The following ABCA13 variants were observed in gnomAD, a reference collection of about 807,000 sequenced individuals.
ABCA13 encodes ATP-binding cassette sub-family A member 13.
Under a neutral mutation model 478.7 loss-of-function variants are expected in ABCA13, and 476 were observed. That is an observed-to-expected ratio of 0.99 (90% CI 0.92 to 1.07). The LOEUF is 1.07. ABCA13 is among the 50% of genes least tolerant of loss of function. The probability of loss-of-function intolerance (pLI) is 0.00; values close to 1 mark genes in which losing one functional copy is unlikely to be tolerated. For missense variants in ABCA13, 6,060 were observed against 5,910.6 expected, an observed-to-expected ratio of 1.03 and a Z score of -0.83; for synonymous variants, 2,252 against 2,158.9, an observed-to-expected ratio of 1.04 and a Z score of -1.20.
chr7:48,270,773 C>T (rs1795493061), intron 16 of ABCA13, among the ~76,000 whole-genome samples: 1 of 152,226 alleles, frequency 6.6e-6, no homozygotes, highest in East Asian at 1.9e-4. Context: ...TGTTATACAA[C>T]AAGAGCAGAG....
intron 55 of ABCA13, among the ~76,000 whole-genome samples, chr7:48,554,113 T>G (rs1245072889): frequency 3.9e-5 from 6 of 152,062 alleles, no homozygotes; most frequent in African/African-American, 1.2e-4. Flanking sequence ...CTTGACACCT[T>G]TGTCAAAAAT....
At chr7:48,317,021 C>A in intron 26 of ABCA13, 136 bp from the exon 27 acceptor site, 2 of 1,073,676 alleles carry the variant, frequency 1.9e-6, no homozygotes, top group Non-Finnish European at 2.6e-6. Flanking sequence ...ATAGCACTCC[C>A]AAAGTTCAGA....
Position 48,314,287 on chromosome 7 carries a change from T to C in ABCA13, c.9737T>C (p.Met3246Thr). 6.2e-7 allele frequency: 1 copy of C among 1,613,826 alleles called. No individual in the cohort carries two copies. Among genetic ancestry groups the C allele is most frequent in the South Asian group, 1.1e-5 (1 of 90,966 alleles). ...SSAFGSFQFV[M>T]KMVCKDQASF... ...GCTTTTGGTTCTTTCCAGTTTGTGA[T>C]GAAGATGGTTTGCAAGGACCAAGCA... Residue 3246 changes from methionine to threonine, a missense_variant, in exon 26 of 62, where the codon ATG (methionine) becomes ACG (threonine). By Grantham distance (81) the Met-to-Thr change is moderately conservative. Transcript: ENST00000435803.
intron 55 of ABCA13, among the ~76,000 whole-genome samples, chr7:48,578,600 C>A (rs1326945167): frequency 6.6e-6 from 1 of 152,042 alleles, no homozygotes. Flanking sequence ...GGTAGAAAAA[C>A]TTAACATCAA....
At chr7:48,337,743 T>C (rs543449407) in intron 28 of ABCA13, among the ~76,000 whole-genome samples, 10 of 152,326 alleles carry the variant, frequency 6.6e-5, no homozygotes, top group African/African-American at 2.4e-4. Flanking sequence ...GCAATGCAAG[T>C]ACATGGATAT....
At chr7:48,201,613 A>G (rs971332391) in intron 3 of ABCA13, among the ~76,000 whole-genome samples, 2 of 152,278 alleles carry the variant, frequency 1.3e-5, no homozygotes, top group Middle Eastern at 3.4e-3. Flanking sequence ...CCAACTATTC[A>G]GGAGGCTGAG....
In ABCA13 at chr7:48,335,527, C is replaced by G; in HGVS notation, c.10105C>G (p.Gln3369Glu). 6.2e-7 allele frequency: 1 copy of G among 1,613,216 alleles called. No individual in the cohort carries two copies. The highest frequency in any genetic ancestry group is 1.3e-5 in the African/African-American group (1 of 74,982). Reference protein sequence around the residue: ...QRSGSGQMFNQLQEALRNKFV... With the variant: ...QRSGSGQMFNELQEALRNKFV... ...AAGTGGAAGTGGCCAGATGTTCAAC[C>G]AGCTGCAGGTGAGTGGTTGGTCTTT... The change falls in exon 28 of 62, where the codon CAG (glutamine) becomes GAG (glutamate). Residue 3369 changes from glutamine to glutamate, a missense_variant. Transcript: ENST00000435803.
chr7:48,465,571 C>T (rs1267471632), intron 43 of ABCA13, among the ~76,000 whole-genome samples: 2 of 141,882 alleles, frequency 1.4e-5, no homozygotes, highest in Non-Finnish European at 3.0e-5. Context: ...TTTTATTGCT[C>T]ATAATAATTA....
At chr7:48,465,839 ATTC>A (rs1826820456) in intron 43 of ABCA13, among the ~76,000 whole-genome samples, 1 of 150,556 alleles carries the variant, frequency 6.6e-6, no homozygotes, top group South Asian at 2.1e-4. Context: ...TCTCTCCCCT[ATTC>A]TTCCCAGCTT....
At chr7:48,195,662 T>C (rs1459552952) in intron 2 of ABCA13, among the ~76,000 whole-genome samples, 2 of 152,122 alleles carry the variant, frequency 1.3e-5, no homozygotes, top group Non-Finnish European at 2.9e-5. Context: ...TCAATCAGAT[T>C]ATGAATTTGG....
intron 39 of ABCA13, chr7:48,404,247 G>A: frequency 3.5e-6 from 1 of 285,000 alleles, no homozygotes; most frequent in African/African-American, 2.2e-5. Context: ...AAGGCTCAGA[G>A]AGACGGGCAT....
chr7:48,310,225 G>A (rs1458256074), intron 24 of ABCA13, 84 bp downstream of exon 24: 3 of 1,441,574 alleles, frequency 2.1e-6, no homozygotes, highest in Non-Finnish European at 2.8e-6. Flanking sequence ...TCCTAGGGGT[G>A]CGGCAGTGGG....
intron 29 of ABCA13, among the ~76,000 whole-genome samples, chr7:48,345,410 G>C (rs10248189): frequency 1.4e-4 from 21 of 152,266 alleles, no homozygotes; most frequent in African/African-American, 4.8e-4. Context: ...GTGCCCTGAA[G>C]ACCTCCTTCC....
chr7:48,309,808 TC>T (rs1182348716), intron 23 of ABCA13, 138 bp from the exon 24 acceptor site: 12 of 823,882 alleles, frequency 1.5e-5, no homozygotes, highest in Non-Finnish European at 1.9e-6. Flanking sequence ...CAGTTTGGGC[TC>T]CCCGCATCTG....
At chr7:48,356,493 A>G (rs554454026) in intron 31 of ABCA13, among the ~76,000 whole-genome samples, 3 of 151,856 alleles carry the variant, frequency 2.0e-5, no homozygotes, top group South Asian at 2.1e-4. Flanking sequence ...GAATTAGTCA[A>G]GGGGAAGAGA....
intron 59 of ABCA13, among the ~76,000 whole-genome samples, chr7:48,633,905 T>A (rs1430095566): frequency 1.4e-5 from 2 of 144,236 alleles, no homozygotes; most frequent in Non-Finnish European, 3.0e-5. Context: ...CATAGATAGG[T>A]AGATAGATAC....
intron 55 of ABCA13, among the ~76,000 whole-genome samples, chr7:48,547,686 T>C (rs765742825): frequency 2.0e-5 from 3 of 151,864 alleles, no homozygotes; most frequent in Non-Finnish European, 2.9e-5. Flanking sequence ...GTACCATACT[T>C]TGGGTACCCA....
intron 41 of ABCA13, among the ~76,000 whole-genome samples, chr7:48,422,762 G>A (rs751300784): frequency 6.6e-6 from 1 of 152,210 alleles, no homozygotes. Context: ...TGGGACTGTG[G>A]CAGGAGATAT....
intron 7 of ABCA13, among the ~76,000 whole-genome samples, chr7:48,232,173 G>A (rs910990995): frequency 4.1e-5 from 1 of 24,662 alleles, no homozygotes; most frequent in African/African-American, 1.6e-4. Flanking sequence ...TTAGCTTTCT[G>A]TAAGAGAAAG....
Sources: gnomAD v4.1 joint callset for allele counts (sites outside exome capture counted in the v4.1 genomes callset) on GRCh38, gnomAD v4.1.1 for gene constraint, MANE v1.5 for transcripts, NCBI Gene and HGNC (gene_info 2026-07-23, HGNC 2026-07-21) for gene names.